The following ANK1 variants were observed in gnomAD, a reference collection of about 807,000 sequenced individuals.
The protein encoded by ANK1 is ankyrin-1.
ANK1 carries 51 observed loss-of-function variants against 210.4 expected under a neutral mutation model. The observed-to-expected ratio is 0.24, with a 90% CI of 0.19 to 0.31. ANK1 has a LOEUF of 0.31. Ranked by LOEUF, ANK1 falls within the 10% of genes least tolerant of loss-of-function variation. ANK1 has a pLI of 1.00. For missense variants in ANK1, 2,051 were observed against 2,504.4 expected (o/e 0.82, Z 3.86); for synonymous variants, 967 against 1,025.9 (o/e 0.94, Z 1.10).
intron 1 of ANK1, among the ~76,000 whole-genome samples, chr8:41,769,966 TTTTC>T (rs1432239785): frequency 6.2e-4 from 81 of 130,006 alleles, no homozygotes; most frequent in Middle Eastern, 3.7e-3. Flanking sequence ...CTTCTTTTTT[TTTTC>T]TTTTTTCTTT....
chr8:41,792,550 G>T (rs1240717171), intron 1 of ANK1, among the ~76,000 whole-genome samples: 1 of 152,218 alleles, frequency 6.6e-6, no homozygotes, highest in Non-Finnish European at 1.5e-5. Flanking sequence ...CTTGGTCGAA[G>T]CCAGGGAAAA....
chr8:41,719,533 G>A (rs1197830061), intron 10 of ANK1, 128 bp downstream of exon 10: 2 of 1,244,426 alleles, frequency 1.6e-6, no homozygotes, highest in Non-Finnish European at 2.3e-6. Context: ...ACACCCCACT[G>A]CTCAGGCCTC....
At chr8:41,681,258 C>T (rs1815906573) in intron 37 of ANK1, among the ~76,000 whole-genome samples, 1 of 152,202 alleles carries the variant, frequency 6.6e-6, no homozygotes, top group Non-Finnish European at 1.5e-5. Context: ...TTTATCAGGT[C>T]AAATGGAACT....
intron 42 of ANK1, chr8:41,660,520 T>C (rs1807674063): frequency 2.1e-6 from 1 of 467,114 alleles, no homozygotes; most frequent in Non-Finnish European, 4.4e-6. Flanking sequence ...CCAGGGAGGA[T>C]GGAGATCAGA....
At chr8:41,668,057 C>A (rs921866406) in intron 39 of ANK1, among the ~76,000 whole-genome samples, 4 of 152,194 alleles carry the variant, frequency 2.6e-5, no homozygotes, top group Non-Finnish European at 5.9e-5. Context: ...AGCAGCTGCC[C>A]AACAGGTACA....
At chr8:41,725,371 C>T (rs1830414546) in intron 6 of ANK1, among the ~76,000 whole-genome samples, 1 of 152,242 alleles carries the variant, frequency 6.6e-6, no homozygotes, top group South Asian at 2.1e-4. Flanking sequence ...CGTGCAAGGT[C>T]CCGGACCCCC....
intron 1 of ANK1, among the ~76,000 whole-genome samples, chr8:41,858,950 G>A (rs1296598445): frequency 6.6e-6 from 1 of 152,244 alleles, no homozygotes; most frequent in Non-Finnish European, 1.5e-5. Context: ...CAGGAAGGCT[G>A]CAAGGAGGGA....
chr8:41,715,839 G>T lies in ANK1; in HGVS notation c.1415C>A (p.Thr472Asn), dbSNP rs150655828. 6.2e-7 allele frequency: 1 copy of T among 1,614,238 alleles called. No individual in the cohort carries two copies. The highest frequency in any genetic ancestry group is 1.7e-5 in the Admixed American group (1 of 60,036). The change falls in exon 14 of 43, where the codon ACC becomes AAC. Residue 472 changes from threonine to asparagine, a missense_variant. This residue lies in a region of ANK1 where 1,413 missense variants were observed against 1,707.4 expected (regional missense o/e 0.83). Coordinates refer to ENST00000289734, the MANE Select transcript of ANK1 (RefSeq NM_000037.4). Reference sequence around the variant, plus strand: ...GATGCGAGCTGCACAGTGAAGTGGGGTCTGGTCATCCTGGACCCCGAAGGG... The same window carrying T: ...GATGCGAGCTGCACAGTGAAGTGGGTTCTGGTCATCCTGGACCCCGAAGGG... ...KVNAKAKDDQ[T>N]PLHCAARIGH... is the part of the protein sequence containing the mutation.
chr8:41,684,592 T>C lies in ANK1; in HGVS notation c.4489A>G (p.Arg1497Gly). Residue 1497 changes from arginine (R) to glycine (G), a missense_variant, in exon 37 of 43, where the codon AGG (arginine) becomes GGG (glycine). This residue lies in a region of ANK1 where 496 missense variants were observed against 533.4 expected (regional missense o/e 0.93). Transcript: ENST00000289734. Reference protein sequence around the residue: ...GRQSRNLKPDRRHTDRDYSLS... With the variant: ...GRQSRNLKPDGRHTDRDYSLS... ...GAGTAGTCGCGGTCGGTGTGCCGCC[T>C]GTCTGGCTTCAAGTTGCGGCTCTGT... 6.2e-7 allele frequency: 1 copy of C among 1,613,902 alleles called. No individual in the cohort carries two copies. The highest frequency in any genetic ancestry group is 8.5e-7 in the Non-Finnish European group (1 of 1,180,046).
intron 22 of ANK1, among the ~76,000 whole-genome samples, chr8:41,700,975 C>T (rs1822602260): frequency 1.3e-5 from 2 of 152,072 alleles, no homozygotes; most frequent in East Asian, 1.9e-4. Context: ...CCCTATATTG[C>T]CCAGGCTGGT....
At position 41,653,275 on chromosome 8, in the gene ANK1, G is replaced by A. The variant is rs1804677008; in HGVS notation, c.*2515C>T. 6.5e-6 allele frequency: 1 copy of A among 152,676 alleles called. No homozygotes were observed. The highest frequency in any genetic ancestry group is 1.5e-5 in the Non-Finnish European group (1 of 68,080). The allele number at this position is 152,676 out of a possible 1,614,324, so 9.5% of individuals were successfully genotyped here. ...TTTTGACATTGGTTCGGCTGGTGAA[G>A]GGAGAATGGTCTATACATCAGAGTA... On this transcript the variant is annotated 3_prime_UTR_variant, in exon 43 of 43. Transcript: ENST00000289734.
At chr8:41,796,036 AATT>A (rs1848674049) in intron 1 of ANK1, among the ~76,000 whole-genome samples, 1 of 152,336 alleles carries the variant, frequency 6.6e-6, no homozygotes, top group Admixed American at 6.5e-5. Flanking sequence ...CAAATATGTA[AATT>A]ATTATATACC....
intron 9 of ANK1, among the ~76,000 whole-genome samples, chr8:41,722,568 G>A (rs1331860947): frequency 6.6e-6 from 1 of 152,180 alleles, no homozygotes; most frequent in East Asian, 1.9e-4. Flanking sequence ...CACGTAACGG[G>A]CCTTTTCTCT....
intron 18 of ANK1, among the ~76,000 whole-genome samples, chr8:41,705,636 C>T (rs1000037598): frequency 1.3e-4 from 20 of 152,230 alleles, no homozygotes; most frequent in African/African-American, 4.6e-4. Context: ...TCTCTGCACT[C>T]TGTGCTCCCA....
At chr8:41,811,438 G>A (rs1485464758) in intron 1 of ANK1, among the ~76,000 whole-genome samples, 1 of 152,212 alleles carries the variant, frequency 6.6e-6, no homozygotes, top group Admixed American at 6.5e-5. Flanking sequence ...GGTTTCAGAA[G>A]ACTCGGAAGT....
chr8:41,773,627 A>T (rs1374814138), intron 1 of ANK1, among the ~76,000 whole-genome samples: 2 of 152,242 alleles, frequency 1.3e-5, no homozygotes, highest in African/African-American at 4.8e-5. Context: ...AGATTTTTTT[A>T]AATCCCTCTA....
At position 41,655,582 on chromosome 8, in the gene ANK1, G is replaced by A. The variant is rs574736430; in HGVS notation, c.*208C>T. 2.6e-5 allele frequency: 25 copies of A among 961,238 alleles called. No homozygotes were observed. The highest frequency in any genetic ancestry group is 3.1e-4 in the Middle Eastern group (1 of 3,216). 59.5% of individuals were successfully genotyped at this position (961,238 alleles called of 1,614,324 possible). A position where few individuals can be genotyped will look rare whatever the true frequency, so the allele number is the denominator to read the frequency against. ...CAGGATTGAAGCCTGGAGGTCATGC[G>A]TCTACAGTCAGTCATTCATGCCAAG... On this transcript the variant is annotated 3_prime_UTR_variant, in exon 43 of 43. Coordinates refer to ENST00000289734, the MANE Select transcript of ANK1 (RefSeq NM_000037.4).
chr8:41,713,197 G>A (rs1025550973), intron 16 of ANK1, among the ~76,000 whole-genome samples: 7 of 152,292 alleles, frequency 4.6e-5, no homozygotes, highest in East Asian at 1.9e-4. Context: ...GCCACATGAC[G>A]GATCTCCCAT....
At chr8:41,682,956 G>A (rs1292963130) in intron 37 of ANK1, among the ~76,000 whole-genome samples, 8 of 152,202 alleles carry the variant, frequency 5.3e-5, no homozygotes, top group African/African-American at 1.9e-4. Context: ...CCTGAGGGGA[G>A]GCTGGAATCC....
Sources: gnomAD v4.1 joint callset for allele counts (sites outside exome capture counted in the v4.1 genomes callset) on GRCh38, gnomAD v4.1.1 for gene constraint, gnomAD v4.1.1 regional missense constraint, MANE v1.5 for transcripts, NCBI Gene and HGNC (gene_info 2026-07-23, HGNC 2026-07-21) for gene names.